The following ZNF157 variants were observed in gnomAD, a reference collection of about 807,000 sequenced individuals.
ZNF157 encodes the protein zinc finger protein 22.
In ZNF157, 8 loss-of-function variants were observed where a neutral mutation model predicts 9.4. The ratio of observed to expected loss-of-function variants is 0.85; its 90% CI spans 0.50 to 1.53. The LOEUF (loss-of-function observed/expected upper bound fraction) is 1.53. ZNF157 is among the 40% of genes most tolerant of loss of function. The pLI, the probability that ZNF157 is intolerant of heterozygous loss-of-function variation, is 0.00. For synonymous variants in ZNF157, 120 were observed against 130.8 expected (o/e 0.92, Z 0.56); for missense variants, 316 against 385.2 (o/e 0.82, Z 1.50).
intron 1 of ZNF157, among the ~76,000 whole-genome samples, chrX:47,392,031 A>T (rs977119227): frequency 5.5e-5 from 6 of 109,904 alleles, no homozygotes; most frequent in African/African-American, 2.0e-4. Flanking sequence ...CTGGGACTAC[A>T]GGCACCCGCC....
At chrX:47,404,042 C>T (rs893336632) in intron 1 of ZNF157, among the ~76,000 whole-genome samples, 19 of 109,905 alleles carry the variant, frequency 1.7e-4, no homozygotes, top group African/African-American at 5.9e-4. Flanking sequence ...TGGTGGTAAG[C>T]GCCTGTAATC....
intron 1 of ZNF157, chrX:47,392,320 T>G (rs2055900025): frequency 7.8e-6 from 1 of 128,392 alleles, no homozygotes; most frequent in African/African-American, 3.2e-5. Context: ...ACAACTGTGA[T>G]GTTACTCTTG....
chrX:47,378,704 G>A (rs1382909850), intron 1 of ZNF157, among the ~76,000 whole-genome samples: 2 of 111,382 alleles, frequency 1.8e-5, no homozygotes, highest in East Asian at 5.6e-4. Flanking sequence ...TGGGCGTGGT[G>A]GCCTGCACCT....
intron 1 of ZNF157, among the ~76,000 whole-genome samples, chrX:47,371,626 G>C (rs1602756064): frequency 2.7e-5 from 3 of 110,938 alleles, no homozygotes; most frequent in Non-Finnish European, 5.7e-5. Flanking sequence ...CATTTTTTTT[G>C]AGACAGAGTC....
intron 1 of ZNF157, among the ~76,000 whole-genome samples, chrX:47,399,158 C>T (rs2055923108): frequency 9.0e-6 from 1 of 111,722 alleles, no homozygotes; most frequent in African/African-American, 3.3e-5. Context: ...CTGTTCTGGT[C>T]CAGGTTGCTG....
At chrX:47,396,184 G>T (rs2055912716) in intron 1 of ZNF157, among the ~76,000 whole-genome samples, 1 of 110,586 alleles carries the variant, frequency 9.0e-6, no homozygotes, top group African/African-American at 3.3e-5. Flanking sequence ...AGCTACTTGG[G>T]CGACTGAGGG....
chrX:47,408,732 A>G (rs866927908), intron 1 of ZNF157, among the ~76,000 whole-genome samples: 8 of 111,772 alleles, frequency 7.2e-5, no homozygotes, highest in East Asian at 2.8e-4. Context: ...CACATCTTAC[A>G]TGGCCAGAGC....
At chrX:47,376,412 C>T (rs1032864943) in intron 1 of ZNF157, among the ~76,000 whole-genome samples, 5 of 111,549 alleles carry the variant, frequency 4.5e-5, no homozygotes, top group East Asian at 2.8e-4. Flanking sequence ...GTCAGGAGTT[C>T]GAGACCAGCC....
chrX:47,407,874 C>T (rs1044190034), intron 1 of ZNF157, among the ~76,000 whole-genome samples: 1 of 110,365 alleles, frequency 9.1e-6, no homozygotes, highest in African/African-American at 3.3e-5. Flanking sequence ...AGTGTCTCCC[C>T]TCCTACCTTC....
At position 47,401,090 on chromosome X, in the gene ZNF157, C is replaced by T. The variant is rs73492358; in HGVS notation, c.73-9186C>T. Among the ~76,000 whole-genome samples the T allele has an allele frequency of 1.8e-3, 198 of 112,080 alleles. 1 individual carries two copies. Among genetic ancestry groups the T allele is most frequent in the African/African-American group, 6.2e-3 (191 of 30,937 alleles). ...TTGCAATCCTCCAGTAGCATGTCCT[C>T]GTATAAACTGTTTGCATTATATTAT... On this transcript the variant is annotated intron_variant, in intron 1 of 3. Transcript: ENST00000377073.
chrX:47,380,609 C>T (rs1459886016), intron 1 of ZNF157, among the ~76,000 whole-genome samples: 2 of 111,054 alleles, frequency 1.8e-5, no homozygotes, highest in East Asian at 5.6e-4. Flanking sequence ...GTGCACATGT[C>T]TTGAGCCCAC....
intron 1 of ZNF157, among the ~76,000 whole-genome samples, chrX:47,385,831 G>A (rs1252762720): frequency 9.0e-6 from 1 of 110,804 alleles, no homozygotes; most frequent in African/African-American, 3.3e-5. Flanking sequence ...GCCTCCCAAA[G>A]TGCTGGGATT....
chrX:47,411,169 A>G (rs1418051135), intron 3 of ZNF157, among the ~76,000 whole-genome samples: 1 of 109,540 alleles, frequency 9.1e-6, no homozygotes, highest in African/African-American at 3.3e-5. Flanking sequence ...TTGTACTTTT[A>G]GTAGAGACAG....
chrX:47,380,983 GAGA>G (rs2055860676), intron 1 of ZNF157, among the ~76,000 whole-genome samples: 1 of 98,817 alleles, frequency 1.0e-5, no homozygotes, highest in Non-Finnish European at 2.0e-5. Context: ...GGAGGAGGAG[GAGA>G]AAGAGAAGGA....
At chrX:47,403,027 G>A (rs1180667427) in intron 1 of ZNF157, among the ~76,000 whole-genome samples, 2 of 106,931 alleles carry the variant, frequency 1.9e-5, no homozygotes, top group East Asian at 6.2e-4. Flanking sequence ...TTGGGAGGCC[G>A]AGGCAGGTGG....
At chrX:47,405,763 A>G (rs1418762473) in intron 1 of ZNF157, among the ~76,000 whole-genome samples, 1 of 112,033 alleles carries the variant, frequency 8.9e-6, no homozygotes, top group African/African-American at 3.2e-5. Flanking sequence ...GACATACGTA[A>G]TAGTAATCAA....
At chrX:47,383,371 CAAAAAAAA>C (rs35133137) in intron 1 of ZNF157, among the ~76,000 whole-genome samples, 3 of 18,822 alleles carry the variant, frequency 1.6e-4, no homozygotes, top group Non-Finnish European at 3.0e-4. Flanking sequence ...GACTCAGTCT[CAAAAAAAA>C]AAAAAAAAAA....
chrX:47,378,645 C>A (rs1299997648), intron 1 of ZNF157, among the ~76,000 whole-genome samples: 1 of 111,636 alleles, frequency 9.0e-6, no homozygotes, highest in Non-Finnish European at 1.9e-5. Flanking sequence ...TTGAGACCAG[C>A]CTGGCCAACA....
chrX:47,375,081 A>G (rs1362406346), intron 1 of ZNF157, among the ~76,000 whole-genome samples: 5 of 80,742 alleles, frequency 6.2e-5, no homozygotes, highest in Admixed American at 3.5e-4. Flanking sequence ...CAGTGGCACG[A>G]TCTTGGCTCA....
Sources: gnomAD v4.1 joint callset for allele counts (sites outside exome capture counted in the v4.1 genomes callset) on GRCh38, gnomAD v4.1.1 for gene constraint, MANE v1.5 for transcripts, NCBI Gene and HGNC (gene_info 2026-07-23, HGNC 2026-07-21) for gene names.